Variants in RSPO2 observed in about 807,000 individuals in gnomAD.
The protein encoded by RSPO2 is R-spondin-2.
Under a neutral mutation model 30.9 loss-of-function variants are expected in RSPO2, and 14 were observed. The observed-to-expected ratio is 0.45, with a 90% CI of 0.30 to 0.71. The LOEUF is 0.71. Ranked by LOEUF, RSPO2 falls within the 30% of genes least tolerant of loss-of-function variation. The probability of loss-of-function intolerance (pLI) is 0.08; values close to 1 mark genes in which losing one functional copy is unlikely to be tolerated. For missense variants in RSPO2, 264 were observed against 301.9 expected, an observed-to-expected ratio of 0.87 and a Z score of 0.93; for synonymous variants, 107 against 96.4, an observed-to-expected ratio of 1.11 and a Z score of -0.64.
intron 2 of RSPO2, among the ~76,000 whole-genome samples, chr8:108,058,857 T>A (rs1385733625): frequency 4.6e-5 from 7 of 151,628 alleles, no homozygotes; most frequent in Non-Finnish European, 1.0e-4. Flanking sequence ...TCAAGATGGA[T>A]TAAGTACTTA....
At position 108,056,446 on chromosome 8, in the gene RSPO2, C is replaced by T. The variant is rs369969890; in HGVS notation, c.94+26099G>A. Among the ~76,000 whole-genome samples the T allele has an allele frequency of 2.8e-5, 4 of 142,112 alleles. No homozygotes were observed. The South Asian group carries it at 9.0e-4, about 32-fold the overall frequency. 93.2% of individuals were successfully genotyped at this position (142,112 alleles called of 152,430 possible). A position where few individuals can be genotyped will look rare whatever the true frequency, so the allele number is the denominator to read the frequency against. On this transcript the variant is annotated intron_variant, in intron 2 of 5. Transcript: ENST00000276659. ...CCAGCCTGGGCAACATGGCAAAACC[C>T]CATCTCTATAAAAATATACAAAAAA...
At chr8:107,979,196 A>T (rs977286672) in intron 3 of RSPO2, among the ~76,000 whole-genome samples, 14 of 152,240 alleles carry the variant, frequency 9.2e-5, no homozygotes, top group Non-Finnish European at 1.5e-4. Context: ...TACCCAAAGG[A>T]TTATAAATCA....
intron 3 of RSPO2, among the ~76,000 whole-genome samples, chr8:107,966,281 T>C (rs1586585449): frequency 6.6e-6 from 1 of 152,176 alleles, no homozygotes; most frequent in South Asian, 2.1e-4. Context: ...TGTTTCCTCA[T>C]TGAGACAGGT....
intron 3 of RSPO2, among the ~76,000 whole-genome samples, chr8:107,965,674 C>G (rs893241943): frequency 7.9e-5 from 12 of 152,012 alleles, no homozygotes; most frequent in African/African-American, 2.4e-4. Context: ...TTCCCCATTC[C>G]TAACACAGTA....
intron 2 of RSPO2, among the ~76,000 whole-genome samples, chr8:108,004,775 G>T (rs1815395655): frequency 6.6e-6 from 1 of 152,076 alleles, no homozygotes; most frequent in South Asian, 2.1e-4. Flanking sequence ...AGTCATTTAA[G>T]TATAATTTAC....
At chr8:107,940,365 C>T (rs987805217) in intron 5 of RSPO2, among the ~76,000 whole-genome samples, 1 of 152,102 alleles carries the variant, frequency 6.6e-6, no homozygotes. Context: ...AAGTTCTAAT[C>T]CTGTTATCAA....
chr8:108,061,168 A>C (rs1812448325), intron 2 of RSPO2, among the ~76,000 whole-genome samples: 3 of 151,978 alleles, frequency 2.0e-5, no homozygotes, highest in South Asian at 4.1e-4. Flanking sequence ...TGACAGGATC[A>C]AATTCACACA....
intron 5 of RSPO2, among the ~76,000 whole-genome samples, chr8:107,902,635 G>A (rs1036349007): frequency 6.6e-6 from 1 of 152,006 alleles, no homozygotes. Flanking sequence ...TCTTATTTCT[G>A]TTCTTTCTGA....
chr8:107,990,968 C>T (rs1357017867), intron 2 of RSPO2, among the ~76,000 whole-genome samples: 5 of 152,236 alleles, frequency 3.3e-5, no homozygotes, highest in African/African-American at 4.8e-5. Context: ...CGGTGGCTCA[C>T]GCCTGTAATC....
At chr8:107,957,947 A>C (rs1291041472) in intron 5 of RSPO2, 133 bp downstream of exon 5, 2 of 613,688 alleles carry the variant, frequency 3.3e-6, no homozygotes, top group Non-Finnish European at 5.6e-6. Flanking sequence ...AAGTACAACA[A>C]AACTTTATCC....
rs530973663 is a variant in RSPO2, at chr8:107,929,120, G to T, written c.617-27930C>A. On this transcript the variant is annotated intron_variant, in intron 5 of 5. Transcript: ENST00000276659. The stretch of plus-strand genomic sequence containing the variant: ...ACTGTGAGTTGTCTGACTGGTAGTA[G>T]ACGTCTCTCTTCCTACCTCTGATGG... Among the ~76,000 whole-genome samples the T allele has an allele frequency of 2.6e-5, 4 of 152,336 alleles. No homozygotes were observed. In the South Asian group the frequency reaches 8.3e-4, roughly 32 times the overall value.
intron 5 of RSPO2, among the ~76,000 whole-genome samples, chr8:107,931,902 T>C (rs919865063): frequency 1.3e-5 from 2 of 152,318 alleles, no homozygotes; most frequent in South Asian, 2.1e-4. Flanking sequence ...GGCATGTGCA[T>C]CTACCTCCAC....
At chr8:108,080,980 T>C (rs1813175989) in intron 2 of RSPO2, among the ~76,000 whole-genome samples, 1 of 152,082 alleles carries the variant, frequency 6.6e-6, no homozygotes, top group Non-Finnish European at 1.5e-5. Flanking sequence ...AGAGAGGAGA[T>C]AAAAAGGGAC....
Position 108,082,663 on chromosome 8 carries a change from C to T in RSPO2, c.-25G>A. 5.7e-6 allele frequency: 9 copies of T among 1,592,056 alleles called. No homozygotes were observed. Among genetic ancestry groups the T allele is most frequent in the Non-Finnish European group, 6.9e-6 (8 of 1,160,482 alleles). On this transcript the variant is annotated 5_prime_UTR_variant, in exon 2 of 6. Transcript: ENST00000276659. ...TCTGGGCGGTCGGGCGGGGGAGAGA[C>T]GCCTCTCAAAGTCTAGGAACTGGAG... is the stretch of plus-strand genomic sequence containing the variant.
chr8:108,079,598 T>C (rs1397087852), intron 2 of RSPO2, among the ~76,000 whole-genome samples: 1 of 152,078 alleles, frequency 6.6e-6, no homozygotes, highest in Non-Finnish European at 1.5e-5. Context: ...GAAAATGATA[T>C]TATGGAGCAT....
At chr8:108,062,343 G>A (rs1812497704) in intron 2 of RSPO2, among the ~76,000 whole-genome samples, 1 of 151,774 alleles carries the variant, frequency 6.6e-6, no homozygotes, top group Admixed American at 6.6e-5. Flanking sequence ...AATAAAATAT[G>A]ACAAAGGGGA....
At chr8:107,923,210 A>G (rs912049413) in intron 5 of RSPO2, among the ~76,000 whole-genome samples, 11 of 152,284 alleles carry the variant, frequency 7.2e-5, no homozygotes, top group South Asian at 2.1e-4. Flanking sequence ...AGCATCTATA[A>G]GGAAATTAAA....
At chr8:107,998,821 C>T (rs1179949541) in intron 2 of RSPO2, among the ~76,000 whole-genome samples, 1 of 151,988 alleles carries the variant, frequency 6.6e-6, no homozygotes, top group African/African-American at 2.4e-5. Flanking sequence ...CTGAGGCAGG[C>T]CGATCACCTA....
chr8:107,973,743 G>T (rs959844475), intron 3 of RSPO2, among the ~76,000 whole-genome samples: 2 of 152,130 alleles, frequency 1.3e-5, no homozygotes, highest in Admixed American at 6.5e-5. Context: ...AGCCTTGCAA[G>T]AATATAACTA....
Sources: gnomAD v4.1 joint callset for allele counts (sites outside exome capture counted in the v4.1 genomes callset) on GRCh38, gnomAD v4.1.1 for gene constraint, MANE v1.5 for transcripts, NCBI Gene and HGNC (gene_info 2026-07-23, HGNC 2026-07-21) for gene names.